The following CDH7 variants were observed in gnomAD, a reference collection of about 807,000 sequenced individuals.
The protein encoded by CDH7 is cadherin-7.
Under a neutral mutation model 71.8 loss-of-function variants are expected in CDH7, and 25 were observed. The ratio of observed to expected loss-of-function variants is 0.35; its 90% CI spans 0.25 to 0.49. CDH7 has a LOEUF of 0.49. CDH7 is among the 20% of genes least tolerant of loss of function. The pLI is 0.99. For missense variants in CDH7, 862 were observed against 974.6 expected (o/e 0.88, Z 1.54); for synonymous variants, 381 against 363.8 (o/e 1.05, Z -0.54).
At chr18:65,863,849 TGGACACTGGGTAATGGGTTTA>T (rs1913667262) in intron 11 of CDH7, 1 of 152,214 alleles carries the variant, frequency 6.6e-6, no homozygotes, top group African/African-American at 2.4e-5. Context: ...ATGTCCAATG[TGGACACTGGGTAATGGGTTTA>T]TTCCAAAGAA....
In CDH7 at chr18:65,810,427, T is replaced by C. The variant is rs75202416; in HGVS notation, c.505+429T>C. Reference sequence around the variant, plus strand: ...GTTCTAAACATCTCTCTATGGCCAATGTATCAAGAAGGCCATCAATGGCTA... The same window carrying C: ...GTTCTAAACATCTCTCTATGGCCAACGTATCAAGAAGGCCATCAATGGCTA... On this transcript the variant is annotated intron_variant, in intron 3 of 11. Transcript: ENST00000397968. Among the ~76,000 whole-genome samples the C allele has an allele frequency of 5.7e-4, 87 of 152,300 alleles. No individual in the cohort carries two copies. The East Asian group carries it at 0.015, about 26-fold the overall frequency.
At chr18:65,760,653 G>T (rs1453734270) in intron 1 of CDH7, among the ~76,000 whole-genome samples, 2 of 152,150 alleles carry the variant, frequency 1.3e-5, no homozygotes, top group East Asian at 3.9e-4. Context: ...GACCTCACAT[G>T]CTTGTCTCAG....
At chr18:65,784,656 C>T (rs1910447496) in intron 2 of CDH7, among the ~76,000 whole-genome samples, 1 of 152,050 alleles carries the variant, frequency 6.6e-6, no homozygotes, top group Admixed American at 6.6e-5. Flanking sequence ...AATTTCATTC[C>T]ACAGTATTCT....
chr18:65,798,960 G>C, intron 2 of CDH7, among the ~76,000 whole-genome samples: 1 of 152,164 alleles, frequency 6.6e-6, no homozygotes, highest in African/African-American at 2.4e-5. Flanking sequence ...CATGTGGTAA[G>C]TTCAGGAAAC....
chr18:65,752,064 G>C (rs1319555201), intron 1 of CDH7, among the ~76,000 whole-genome samples: 1 of 152,214 alleles, frequency 6.6e-6, no homozygotes, highest in Non-Finnish European at 1.5e-5. Context: ...ATTGAACGAG[G>C]AATGTACTTA....
chr18:65,854,118 A>AGAG (rs1913261223), intron 7 of CDH7, among the ~76,000 whole-genome samples: 1 of 151,084 alleles, frequency 6.6e-6, no homozygotes, highest in African/African-American at 2.4e-5. Flanking sequence ...CAGCCCTGGC[A>AGAG]GCAATAGTGA....
chr18:65,810,704 AC>A (rs971611049), intron 3 of CDH7, among the ~76,000 whole-genome samples: 64 of 151,778 alleles, frequency 4.2e-4, no homozygotes, highest in African/African-American at 1.5e-3. Flanking sequence ...TCTTCCTCCT[AC>A]CCCCAACCCT....
intron 7 of CDH7, among the ~76,000 whole-genome samples, chr18:65,855,358 A>AC (rs1913316440): frequency 6.6e-6 from 1 of 151,752 alleles, no homozygotes; most frequent in Non-Finnish European, 1.5e-5. Context: ...AAAGGAAAAA[A>AC]AAAAGCAGAA....
chr18:65,878,498 T>C (rs1268091854), intron 11 of CDH7, among the ~76,000 whole-genome samples: 4 of 152,180 alleles, frequency 2.6e-5, no homozygotes, highest in Admixed American at 1.3e-4. Context: ...TCATGTACCT[T>C]GAGAACTACA....
In CDH7 at chr18:65,862,653, T is replaced by G; in HGVS notation, c.1613-13T>G. ...AGAAATCTGGTGTTATACATTTGCT[T>G]TCGTTATCCTAGACAACACAGCCTC... On this transcript the variant is annotated splice_polypyrimidine_tract_variant and intron_variant, in intron 10 of 11. Coordinates refer to ENST00000397968, the MANE Select transcript of CDH7 (RefSeq NM_004361.5). The G allele has an allele frequency of 1.2e-6, 2 of 1,611,548 alleles. No individual in the cohort carries two copies. Among genetic ancestry groups the G allele is most frequent in the Non-Finnish European group, 1.7e-6 (2 of 1,178,094 alleles).
chr18:65,850,962 C>G (rs1484709), intron 7 of CDH7, among the ~76,000 whole-genome samples: 81,235 of 151,694 alleles, frequency 0.54, 25,324 homozygotes, highest in East Asian at 0.92. Context: ...CAGGCAGATA[C>G]CACCACGCCC....
intron 7 of CDH7, among the ~76,000 whole-genome samples, chr18:65,853,924 T>TATATATAC (rs1913244463): frequency 1.2e-5 from 1 of 84,718 alleles, no homozygotes; most frequent in African/African-American, 4.6e-5. Context: ...TATATATATA[T>TATATATAC]ATATATATAT....
At chr18:65,781,775 C>T (rs202113876) in intron 2 of CDH7, among the ~76,000 whole-genome samples, 5,481 of 62,846 alleles carry the variant, frequency 0.087, 1,067 homozygotes, top group African/African-American at 0.21. Context: ...TCTTTCCTTC[C>T]TTCCTTCCTT....
intron 2 of CDH7, among the ~76,000 whole-genome samples, chr18:65,779,066 C>A (rs1041070643): frequency 7.9e-6 from 1 of 127,252 alleles, no homozygotes; most frequent in African/African-American, 3.3e-5. Context: ...GGAGTCAAAT[C>A]ACTGTTTGTT....
In CDH7 at chr18:65,810,075, A is replaced by T; in HGVS notation, c.505+77A>T. 3 of 1,184,492 alleles carry T rather than the reference A, an allele frequency of 2.5e-6. No individual in the cohort carries two copies. In the South Asian group the frequency reaches 4.5e-5, roughly 18 times the overall value. The allele number at this position is 1,184,492 out of a possible 1,614,324, so 73.4% of individuals were successfully genotyped here. On this transcript the variant is annotated intron_variant, in intron 3 of 11. Transcript: ENST00000397968. ...TGTATTTAAAATTAAATCATCATTA[A>T]GTACTGAAAAAAAAAAAAACCTTAC... is the stretch of plus-strand genomic sequence containing the variant.
intron 2 of CDH7, among the ~76,000 whole-genome samples, chr18:65,804,105 A>G (rs957214444): frequency 5.9e-5 from 9 of 152,144 alleles, no homozygotes; most frequent in Admixed American, 3.3e-4. Context: ...TTCACAATAC[A>G]TATTATCTCT....
chr18:65,769,989 A>G (rs2143804591), intron 2 of CDH7, among the ~76,000 whole-genome samples: 1 of 152,268 alleles, frequency 6.6e-6, no homozygotes, highest in African/African-American at 2.4e-5. Flanking sequence ...AGAGATATAA[A>G]ATAACCTAAA....
At chr18:65,826,465 A>C (rs1912134472) in intron 6 of CDH7, among the ~76,000 whole-genome samples, 1 of 151,344 alleles carries the variant, frequency 6.6e-6, no homozygotes, top group Non-Finnish European at 1.5e-5. Flanking sequence ...TTCATCCATC[A>C]TTGTAGTAAT....
Position 65,888,326 on chromosome 18 carries a change from C to A in CDH7, c.*7432C>A, listed in dbSNP as rs1173260386. ...TTGCTGTGTTTTATTGTGTGTTTTG[C>A]TGTATTTTTAAAAAATAAGAAAAAA... On this transcript the variant is annotated 3_prime_UTR_variant, in exon 12 of 12. Coordinates refer to ENST00000397968, the MANE Select transcript of CDH7 (RefSeq NM_004361.5). 6.6e-6 allele frequency: 1 copy of A among 152,042 alleles called. No individual in the cohort carries two copies. Among genetic ancestry groups the A allele is most frequent in the East Asian group, 1.9e-4 (1 of 5,170 alleles). 9.4% of individuals were successfully genotyped at this position (152,042 alleles called of 1,614,324 possible).
Sources: allele counts gnomAD v4.1 joint callset (sites outside exome capture counted in the v4.1 genomes callset), GRCh38; gene constraint gnomAD v4.1.1; transcripts MANE v1.5; gene names NCBI Gene and HGNC (gene_info 2026-07-23, HGNC 2026-07-21).